SUGCT: variants seen among roughly 807,000 people sequenced by gnomAD.
SUGCT encodes the protein succinyl-CoA:glutarate-CoA transferase, also known as succinyl-CoA:glutarate CoA-transferase.
Under a neutral mutation model 55.0 loss-of-function variants are expected in SUGCT, and 41 were observed. The observed-to-expected ratio is 0.74, with a 90% confidence interval of 0.58 to 0.97. The LOEUF is 0.97. Ranked by LOEUF, SUGCT falls within the 50% of genes least tolerant of loss-of-function variation. The pLI is 0.00. For synonymous variants in SUGCT, 187 were observed against 200.4 expected (o/e 0.93, Z 0.56); for missense variants, 568 against 547.8 (o/e 1.04, Z -0.37).
intron 13 of SUGCT, among the ~76,000 whole-genome samples, chr7:40,762,149 G>A (rs376332026): frequency 7.2e-5 from 11 of 152,200 alleles, no homozygotes; most frequent in Admixed American, 6.5e-4. Context: ...TAGCTCACAC[G>A]GTGATGCTCT....
the SUGCT span, among the ~76,000 whole-genome samples, chr7:40,928,897 C>G: frequency 6.6e-5 from 10 of 152,264 alleles, no homozygotes; most frequent in African/African-American, 2.4e-4. Flanking sequence ...CCCTGCCCGG[C>G]AAAACTCTAC....
chr7:40,166,675 T>C (rs978141358), intron 1 of SUGCT, among the ~76,000 whole-genome samples: 1 of 152,026 alleles, frequency 6.6e-6, no homozygotes, highest in African/African-American at 2.4e-5. Context: ...TCACCTGAGG[T>C]CAGGAGTTTG....
chr7:40,355,093 C>G (rs1797828446), intron 9 of SUGCT, among the ~76,000 whole-genome samples: 1 of 152,160 alleles, frequency 6.6e-6, no homozygotes, highest in Non-Finnish European at 1.5e-5. Flanking sequence ...ACCAGATGAA[C>G]TGGGAAGGAC....
intron 9 of SUGCT, among the ~76,000 whole-genome samples, chr7:40,399,952 G>A (rs1309862720): frequency 6.6e-6 from 1 of 152,088 alleles, no homozygotes; most frequent in East Asian, 1.9e-4. Context: ...GGGAGGCTGA[G>A]GCATGAGAAT....
intron 12 of SUGCT, among the ~76,000 whole-genome samples, chr7:40,613,421 A>G (rs1466867195): frequency 2.0e-5 from 3 of 152,222 alleles, no homozygotes; most frequent in Non-Finnish European, 4.4e-5. Flanking sequence ...ACTTAGCTCC[A>G]TCATGACTTT....
chr7:40,153,310 A>C (rs1021743273), intron 1 of SUGCT: 2 of 387,338 alleles, frequency 5.2e-6, no homozygotes, highest in Admixed American at 3.5e-5. Context: ...AGTCATGTGC[A>C]ACAGAGTAGG....
At chr7:40,296,486 T>C (rs576181028) in intron 8 of SUGCT, among the ~76,000 whole-genome samples, 1 of 152,318 alleles carries the variant, frequency 6.6e-6, no homozygotes, top group African/African-American at 2.4e-5. Flanking sequence ...GTCAAGTACA[T>C]ATTACATTTT....
chr7:40,263,723 A>G (rs1791375789), intron 7 of SUGCT, among the ~76,000 whole-genome samples: 2 of 152,248 alleles, frequency 1.3e-5, no homozygotes, highest in Non-Finnish European at 2.9e-5. Context: ...TTAGGTAATC[A>G]GGCACTTACA....
chr7:40,998,419 A>G, the SUGCT span, among the ~76,000 whole-genome samples: 1 of 152,132 alleles, frequency 6.6e-6, no homozygotes, highest in South Asian at 2.1e-4. Flanking sequence ...TCACTACTAC[A>G]TTAAAAAACT....
intron 12 of SUGCT, among the ~76,000 whole-genome samples, chr7:40,568,534 C>T (rs937558277): frequency 1.3e-5 from 2 of 152,184 alleles, no homozygotes; most frequent in African/African-American, 4.8e-5. Context: ...CAGAGATTGC[C>T]TCTTTCCTGG....
intron 11 of SUGCT, among the ~76,000 whole-genome samples, chr7:40,488,987 A>G (rs1269688187): frequency 2.6e-5 from 4 of 152,130 alleles, no homozygotes; most frequent in Non-Finnish European, 5.9e-5. Flanking sequence ...TGATTTTTCC[A>G]TGAACAAATA....
At chr7:40,481,989 C>A (rs906214405) in intron 11 of SUGCT, among the ~76,000 whole-genome samples, 2 of 152,096 alleles carry the variant, frequency 1.3e-5, no homozygotes, top group Non-Finnish European at 2.9e-5. Context: ...ACTGCTGTAA[C>A]CCTACACAAT....
chr7:40,728,209 A>G (rs1033943264), intron 12 of SUGCT, among the ~76,000 whole-genome samples: 1 of 152,178 alleles, frequency 6.6e-6, no homozygotes, highest in African/African-American at 2.4e-5. Flanking sequence ...CTTGAAAGTT[A>G]TGTCCTTATT....
chr7:40,537,310 G>A (rs1794417411), intron 12 of SUGCT, among the ~76,000 whole-genome samples: 1 of 152,092 alleles, frequency 6.6e-6, no homozygotes, highest in Admixed American at 6.6e-5. Context: ...TCTGCCCACC[G>A]AATCTGATGA....
intron 12 of SUGCT, among the ~76,000 whole-genome samples, chr7:40,710,936 T>G (rs919882199): frequency 2.0e-5 from 3 of 152,188 alleles, no homozygotes; most frequent in African/African-American, 7.2e-5. Context: ...TGTTACAGGA[T>G]AAGCTGCTGC....
chr7:40,912,660 A>G, the SUGCT span, among the ~76,000 whole-genome samples: 1,023 of 151,894 alleles, frequency 6.7e-3, 9 homozygotes, highest in African/African-American at 0.024. Context: ...AGATGTGTCC[A>G]TCTTTGTAAG....
At chr7:40,555,598 A>G (rs1795517378) in intron 12 of SUGCT, among the ~76,000 whole-genome samples, 1 of 152,098 alleles carries the variant, frequency 6.6e-6, no homozygotes, top group Non-Finnish European at 1.5e-5. Context: ...GAGCTGGTTT[A>G]CACGTAGCCT....
chr7:41,024,195 G>A, the SUGCT span, among the ~76,000 whole-genome samples: 2 of 152,086 alleles, frequency 1.3e-5, no homozygotes, highest in Non-Finnish European at 2.9e-5. Context: ...AGAAAATTAC[G>A]TTCCAAAGGA....
intron 9 of SUGCT, among the ~76,000 whole-genome samples, chr7:40,335,825 G>A (rs184948023): frequency 4.6e-5 from 7 of 152,166 alleles, no homozygotes; most frequent in South Asian, 2.1e-4. Flanking sequence ...TGTCTTGTGC[G>A]AGTTTTCAAA....
Sources: allele counts gnomAD v4.1 joint callset (sites outside exome capture counted in the v4.1 genomes callset), GRCh38; gene constraint gnomAD v4.1.1; transcripts MANE v1.5; gene names NCBI Gene and HGNC (gene_info 2026-07-23, HGNC 2026-07-21).